RABGAP1: variants seen among roughly 807,000 people sequenced by gnomAD.
RABGAP1 encodes RAB GTPase activating protein 1.
A neutral mutation model predicts 137.6 loss-of-function variants in RABGAP1; 23 were observed. That is an observed-to-expected ratio of 0.17 (90% CI 0.12 to 0.24). The LOEUF (loss-of-function observed/expected upper bound fraction) is 0.24, where lower values mean the gene tolerates loss of function less well. RABGAP1 is among the 10% of genes least tolerant of loss of function. The pLI is 1.00. For missense variants in RABGAP1, 906 were observed against 1,275.8 expected, an observed-to-expected ratio of 0.71 and a Z score of 4.42; for synonymous variants, 451 against 450.7, an observed-to-expected ratio of 1.00 and a Z score of -0.01.
chr9:122,969,632 A>G (rs1275839641), intron 2 of RABGAP1, among the ~76,000 whole-genome samples: 1 of 152,118 alleles, frequency 6.6e-6, no homozygotes, highest in Admixed American at 6.5e-5. Flanking sequence ...TAGTAGAATG[A>G]CTAACAAAAT....
At chr9:122,940,785 A>G (rs930542543), upstream of RABGAP1, 5 of 152,978 alleles carry the variant, frequency 3.3e-5, no homozygotes, top group South Asian at 2.1e-4. Context: ...CAAATACACA[A>G]GACAGCCCAG....
intron 10 of RABGAP1, 141 bp from the exon 11 acceptor site, chr9:123,010,213 T>C (rs530849177): frequency 1.6e-4 from 114 of 718,428 alleles, no homozygotes; most frequent in Non-Finnish European, 2.2e-4. Flanking sequence ...AAAAACATCA[T>C]TTATTTTCAC....
chr9:123,073,474 AT>A, intron 15 of RABGAP1, 77 bp from the exon 16 acceptor site: 1 of 1,517,232 alleles, frequency 6.6e-7, no homozygotes, highest in Non-Finnish European at 8.9e-7. Context: ...TGGATTTAAT[AT>A]CCTGAGAAAA....
At position 123,104,260 on chromosome 9, in the gene RABGAP1, G is replaced by C. The variant is rs992628177; in HGVS notation, c.*1047G>C. 1 of 152,520 alleles carries C rather than the reference G, an allele frequency of 6.6e-6. No individual in the cohort carries two copies. Among genetic ancestry groups the C allele is most frequent in the Admixed American group, 6.5e-5 (1 of 15,268 alleles). The allele number at this position is 152,520 out of a possible 1,614,324, so 9.4% of individuals were successfully genotyped here. On this transcript the variant is annotated 3_prime_UTR_variant, in exon 26 of 26. Coordinates refer to ENST00000373647, the MANE Select transcript of RABGAP1 (RefSeq NM_012197.4). ...TTGCGTGTCTGTAAATGTCTGCGCA[G>C]GGTGCACATGCTGCGAGGTCTCCAT...
chr9:123,037,659 G>A (rs1209479610), intron 13 of RABGAP1, among the ~76,000 whole-genome samples: 5 of 152,120 alleles, frequency 3.3e-5, no homozygotes, highest in South Asian at 2.1e-4. Context: ...AGAAAATATG[G>A]CAATTTTAAA....
chr9:122,988,958 AAAG>A (rs1260848637), intron 4 of RABGAP1, among the ~76,000 whole-genome samples: 4 of 151,962 alleles, frequency 2.6e-5, no homozygotes, highest in Non-Finnish European at 4.4e-5. Context: ...AAAAAAAAAA[AAAG>A]CACAGCTTCA....
chr9:122,933,374 T>C, the RABGAP1 span, among the ~76,000 whole-genome samples: 3 of 151,684 alleles, frequency 2.0e-5, no homozygotes, highest in African/African-American at 4.8e-5. Context: ...CTATTTTGTC[T>C]AATGGTAGTA....
intron 2 of RABGAP1, among the ~76,000 whole-genome samples, chr9:122,976,156 G>A (rs901023030): frequency 5.3e-5 from 8 of 152,128 alleles, no homozygotes; most frequent in Non-Finnish European, 1.0e-4. Flanking sequence ...CCCTGCAAAC[G>A]TTTATGTCAT....
At chr9:123,052,792 T>C (rs1026561135) in intron 13 of RABGAP1, among the ~76,000 whole-genome samples, 1 of 151,974 alleles carries the variant, frequency 6.6e-6, no homozygotes, top group African/African-American at 2.4e-5. Context: ...AGAAAAAAAT[T>C]AGCTGGGCAT....
Position 123,103,129 on chromosome 9 carries a change from G to A in RABGAP1, c.3126G>A (p.Val1042=). 1.2e-6 allele frequency: 2 copies of A among 1,614,154 alleles called. No individual in the cohort carries two copies. Among genetic ancestry groups the A allele is most frequent in the Non-Finnish European group, 1.7e-6 (2 of 1,180,008 alleles). The change falls in exon 26 of 26, where the codon GTG becomes GTA. Residue 1042 remains valine (V), a synonymous_variant. Transcript: ENST00000373647. ...EHHLGLALNE[V]QAAKKTWFNR... ...ATTTAGGGCTTGCCCTCAATGAGGT[G>A]CAGGCAGCCAAGAAGACGTGGTTTA...
intron 1 of RABGAP1, among the ~76,000 whole-genome samples, chr9:122,948,892 A>C (rs1479894758): frequency 1.3e-5 from 2 of 152,212 alleles, no homozygotes; most frequent in Non-Finnish European, 2.9e-5. Flanking sequence ...AAGTATATTC[A>C]ACCAACCAAA....
At chr9:123,035,845 T>C (rs1238213139) in intron 13 of RABGAP1, 1 of 469,778 alleles carries the variant, frequency 2.1e-6, no homozygotes, top group East Asian at 3.2e-5. Flanking sequence ...TGAAGACAAA[T>C]TGCTCTTGCT....
chr9:123,010,435 A>C lies in RABGAP1; in HGVS notation c.1456A>C (p.Arg486=), dbSNP rs137893790. ...GGAAAGTGAATCAGAAAGAGAGAGG[A>C]GGAAAACTACAGCCAGTCCTTCAGT... ...CLESESERER[R]KTTASPSVRL... Residue 486 remains arginine (R), a synonymous_variant, in exon 11 of 26, where the codon AGG becomes CGG. Transcript: ENST00000373647. The C allele has an allele frequency of 3.9e-4, 631 of 1,613,898 alleles. 2 individuals carry two copies. The African/African-American group carries it at 7.5e-3, about 19-fold the overall frequency.
At chr9:122,933,651 G>C in the RABGAP1 span, among the ~76,000 whole-genome samples, 2 of 151,910 alleles carry the variant, frequency 1.3e-5, no homozygotes, top group Admixed American at 1.3e-4. Context: ...TTCTGTGACA[G>C]AGTCTTGCTC....
At chr9:123,017,065 T>G (rs2031285532) in intron 12 of RABGAP1, among the ~76,000 whole-genome samples, 1 of 152,224 alleles carries the variant, frequency 6.6e-6, no homozygotes, top group African/African-American at 2.4e-5. Flanking sequence ...TTGGTATTTC[T>G]TTACATCAGG....
chr9:123,042,082 C>T (rs1326764510), intron 13 of RABGAP1, among the ~76,000 whole-genome samples: 2 of 152,180 alleles, frequency 1.3e-5, no homozygotes, highest in Admixed American at 1.3e-4. Context: ...TAAAGGTGTG[C>T]TTTGTTGCAA....
intron 6 of RABGAP1, among the ~76,000 whole-genome samples, chr9:122,992,267 G>A (rs768596615): frequency 6.6e-6 from 1 of 152,172 alleles, no homozygotes; most frequent in East Asian, 1.9e-4. Context: ...TCAAACTCCC[G>A]GCCTCAAGTG....
intron 2 of RABGAP1, among the ~76,000 whole-genome samples, chr9:122,961,226 TGATAAA>T (rs112572696): frequency 0.025 from 3,826 of 152,200 alleles, 169 homozygotes; most frequent in African/African-American, 0.088. Context: ...AGGAGTATCT[TGATAAA>T]GATGCTAAAA....
chr9:122,980,649 G>T (rs1311836416), intron 2 of RABGAP1, among the ~76,000 whole-genome samples: 6 of 152,214 alleles, frequency 3.9e-5, no homozygotes, highest in African/African-American at 1.2e-4. Context: ...AAACTAAGCA[G>T]TCAACTTTCC....
Sources: allele counts gnomAD v4.1 joint callset (sites outside exome capture counted in the v4.1 genomes callset), GRCh38; gene constraint gnomAD v4.1.1; transcripts MANE v1.5; gene names NCBI Gene and HGNC (gene_info 2026-07-23, HGNC 2026-07-21).